The following CADM1 variants were observed in gnomAD, a reference collection of about 807,000 sequenced individuals.
CADM1 encodes the protein TSLC-1.
A neutral mutation model predicts 53.1 loss-of-function variants in CADM1; 15 were observed. The ratio of observed to expected loss-of-function variants is 0.28; its 90% CI spans 0.19 to 0.44. CADM1 has a LOEUF of 0.44. Among genes scored for constraint, CADM1 ranks in the 20% least tolerant of loss-of-function variants. The pLI is 1.00. For missense variants in CADM1, 434 were observed against 611.3 expected (o/e 0.71, Z 3.06); for synonymous variants, 281 against 243.0 (o/e 1.16, Z -1.45).
chr11:115,373,114 C>G (rs1311371608), intron 1 of CADM1, among the ~76,000 whole-genome samples: 1 of 152,164 alleles, frequency 6.6e-6, no homozygotes, highest in Non-Finnish European at 1.5e-5. Context: ...CTCTCTCTGG[C>G]CTTGGGCAGA....
intron 1 of CADM1, among the ~76,000 whole-genome samples, chr11:115,360,651 G>A (rs1290053569): frequency 6.6e-6 from 1 of 152,164 alleles, no homozygotes; most frequent in Non-Finnish European, 1.5e-5. Flanking sequence ...TTGTGCTGAT[G>A]CACAGAAAGG....
At chr11:115,331,626 T>C (rs911552286) in intron 1 of CADM1, among the ~76,000 whole-genome samples, 8 of 152,124 alleles carry the variant, frequency 5.3e-5, no homozygotes, top group African/African-American at 7.2e-5. Flanking sequence ...ATATCACTCA[T>C]GGCTTAGAAG....
intron 1 of CADM1, among the ~76,000 whole-genome samples, chr11:115,292,804 T>C (rs1261140853): frequency 6.6e-6 from 1 of 152,224 alleles, no homozygotes; most frequent in African/African-American, 2.4e-5. Flanking sequence ...TGGCAACCAG[T>C]GTCTTTTCCA....
intron 3 of CADM1, among the ~76,000 whole-genome samples, chr11:115,237,906 C>T (rs1431945817): frequency 6.6e-6 from 1 of 152,198 alleles, no homozygotes; most frequent in Non-Finnish European, 1.5e-5. Flanking sequence ...GTCAACAGTT[C>T]TTTGCTTATT....
chr11:115,194,605 G>C (rs572143142), intron 9 of CADM1, among the ~76,000 whole-genome samples: 2 of 152,296 alleles, frequency 1.3e-5, no homozygotes, highest in African/African-American at 4.8e-5. Flanking sequence ...ACTGTATTAA[G>C]AGGTGAAAAA....
intron 5 of CADM1, among the ~76,000 whole-genome samples, chr11:115,223,066 T>C (rs1401139427): frequency 6.6e-6 from 1 of 152,178 alleles, no homozygotes; most frequent in African/African-American, 2.4e-5. Flanking sequence ...GATGAATGAA[T>C]GAAGGAATAA....
At position 115,209,560 on chromosome 11, in the gene CADM1, T is replaced by A. The variant is rs1432349282; in HGVS notation, c.1078+14A>T. 15 of 1,611,520 alleles carry A rather than the reference T, an allele frequency of 9.3e-6. No individual in the cohort carries two copies. Among genetic ancestry groups the A allele is most frequent in the Non-Finnish European group, 1.3e-5 (15 of 1,179,684 alleles). On this transcript the variant is annotated intron_variant, in intron 8 of 11. Transcript: ENST00000331581. ...ACATTCAGGACATTTTCAATGGTAA[T>A]GAAGATACCATACCTGTGATGATGG...
chr11:115,300,577 G>C (rs1219475871), intron 1 of CADM1, among the ~76,000 whole-genome samples: 1 of 152,056 alleles, frequency 6.6e-6, no homozygotes, highest in Non-Finnish European at 1.5e-5. Flanking sequence ...ATTCTGTCCT[G>C]AAGAACTCTT....
chr11:115,414,688 A>G (rs1416346979), intron 1 of CADM1, among the ~76,000 whole-genome samples: 1 of 146,660 alleles, frequency 6.8e-6, no homozygotes, highest in Admixed American at 6.9e-5. Flanking sequence ...TTCAGGCTAA[A>G]CACTTACAAT....
chr11:115,339,612 C>T (rs1274434964), intron 1 of CADM1, among the ~76,000 whole-genome samples: 1 of 152,074 alleles, frequency 6.6e-6, no homozygotes, highest in African/African-American at 2.4e-5. Flanking sequence ...TTTACTTATG[C>T]AGAGTTTAGT....
intron 1 of CADM1, among the ~76,000 whole-genome samples, chr11:115,475,134 T>C (rs753833878): frequency 1.6e-4 from 25 of 152,318 alleles, no homozygotes; most frequent in Non-Finnish European, 2.2e-4. Flanking sequence ...GGTATACTAT[T>C]TGCATAGAAC....
At chr11:115,470,173 C>T (rs761184241) in intron 1 of CADM1, among the ~76,000 whole-genome samples, 1 of 152,178 alleles carries the variant, frequency 6.6e-6, no homozygotes, top group African/African-American at 2.4e-5. Context: ...GCCAGACAAA[C>T]GTTAGCTGCT....
chr11:115,367,676 T>G (rs79921861), intron 1 of CADM1, among the ~76,000 whole-genome samples: 2,997 of 152,196 alleles, frequency 0.02, 118 homozygotes, highest in African/African-American at 0.067. Context: ...TATTTTAACA[T>G]GATTTTAAGA....
At chr11:115,256,758 A>G (rs923223875) in intron 1 of CADM1, 2 of 455,102 alleles carry the variant, frequency 4.4e-6, no homozygotes, top group African/African-American at 4.0e-5. Context: ...AACATATGGC[A>G]ATTGCAATAG....
chr11:115,357,097 C>G (rs1347944287), intron 1 of CADM1, among the ~76,000 whole-genome samples: 3 of 152,054 alleles, frequency 2.0e-5, no homozygotes, highest in Non-Finnish European at 4.4e-5. Flanking sequence ...CTCTTCATCC[C>G]CCTCCTGGAA....
chr11:115,222,814 C>T (rs1229925842), intron 5 of CADM1, among the ~76,000 whole-genome samples: 3 of 152,178 alleles, frequency 2.0e-5, no homozygotes, highest in Non-Finnish European at 4.4e-5. Flanking sequence ...TTTGTTCCCA[C>T]TGCTTTTTAA....
intron 1 of CADM1, among the ~76,000 whole-genome samples, chr11:115,405,055 G>C (rs1014408734): frequency 1.3e-5 from 2 of 151,990 alleles, no homozygotes; most frequent in East Asian, 3.9e-4. Context: ...AAACTCCTAG[G>C]CTCAAGCAAT....
intron 1 of CADM1, among the ~76,000 whole-genome samples, chr11:115,423,519 G>A (rs2135275996): frequency 6.6e-6 from 1 of 152,220 alleles, no homozygotes; most frequent in Middle Eastern, 3.4e-3. Flanking sequence ...AGCATTTCCA[G>A]GAGGGGCAAC....
At chr11:115,306,294 C>T (rs1433838496) in intron 1 of CADM1, among the ~76,000 whole-genome samples, 5 of 151,900 alleles carry the variant, frequency 3.3e-5, no homozygotes, top group Admixed American at 6.6e-5. Flanking sequence ...AGGTTTGTAG[C>T]GTAGGAGCAA....
Sources: allele counts gnomAD v4.1 joint callset (sites outside exome capture counted in the v4.1 genomes callset), GRCh38; gene constraint gnomAD v4.1.1; transcripts MANE v1.5; gene names NCBI Gene and HGNC (gene_info 2026-07-23, HGNC 2026-07-21).